The following NAALADL2 variants were observed in gnomAD, a reference collection of about 807,000 sequenced individuals.
NAALADL2 encodes N-acetylated alpha-linked acidic dipeptidase like 2.
Under a neutral mutation model 87.2 loss-of-function variants are expected in NAALADL2, and 76 were observed. The ratio of observed to expected loss-of-function variants is 0.87; its 90% confidence interval spans 0.72 to 1.05. The LOEUF (loss-of-function observed/expected upper bound fraction) is 1.05. NAALADL2 is among the 50% of genes least tolerant of loss of function. The probability of loss-of-function intolerance (pLI) is 0.00; values close to 1 mark genes in which losing one functional copy is unlikely to be tolerated. For missense variants in NAALADL2, 1,089 were observed against 945.8 expected (o/e 1.15, Z -1.99); for synonymous variants, 354 against 331.0 (o/e 1.07, Z -0.75).
At chr3:175,116,498 A>G (rs1725193831) in intron 2 of NAALADL2, among the ~76,000 whole-genome samples, 1 of 152,076 alleles carries the variant, frequency 6.6e-6, no homozygotes. Context: ...TTCAAAGAGA[A>G]TAAAATACCT....
intron 10 of NAALADL2, among the ~76,000 whole-genome samples, chr3:175,578,999 G>C (rs1719335093): frequency 6.6e-6 from 1 of 152,196 alleles, no homozygotes; most frequent in Non-Finnish European, 1.5e-5. Context: ...TATAGTATCT[G>C]TGTGGCCCCT....
At chr3:175,201,100 A>G (rs1471853343) in intron 2 of NAALADL2, among the ~76,000 whole-genome samples, 2 of 152,026 alleles carry the variant, frequency 1.3e-5, no homozygotes, top group Non-Finnish European at 2.9e-5. Flanking sequence ...TAATAACACA[A>G]TGTTTTTGTT....
At chr3:175,493,595 G>GA (rs1485361102) in intron 9 of NAALADL2, among the ~76,000 whole-genome samples, 1 of 152,084 alleles carries the variant, frequency 6.6e-6, no homozygotes, top group Non-Finnish European at 1.5e-5. Context: ...TTATGCCTGT[G>GA]AAAACTGCAT....
intron 1 of NAALADL2, among the ~76,000 whole-genome samples, chr3:175,042,985 T>G (rs954336847): frequency 1.3e-5 from 2 of 152,160 alleles, no homozygotes; most frequent in African/African-American, 2.4e-5. Flanking sequence ...TCTCTCTCTG[T>G]GTGATCTCTG....
At chr3:175,516,654 T>G (rs1169762484) in intron 9 of NAALADL2, among the ~76,000 whole-genome samples, 2 of 152,206 alleles carry the variant, frequency 1.3e-5, no homozygotes, top group Admixed American at 6.5e-5. Context: ...AGGAGTATCT[T>G]TATATTTTAG....
intron 13 of NAALADL2, among the ~76,000 whole-genome samples, chr3:175,783,035 T>A (rs1751382655): frequency 6.7e-6 from 1 of 150,210 alleles, no homozygotes; most frequent in Admixed American, 6.6e-5. Context: ...GCATTATTTC[T>A]GAGGGCTCTG....
At chr3:174,887,504 T>C (rs1442899240) in intron 1 of NAALADL2, among the ~76,000 whole-genome samples, 1 of 152,170 alleles carries the variant, frequency 6.6e-6, no homozygotes, top group Non-Finnish European at 1.5e-5. Context: ...CTATTAAGTA[T>C]TTTCTGACAG....
At position 174,595,880 on chromosome 3, in the gene NAALADL2, C is replaced by T. The variant is rs370913678; in HGVS notation, c.-115+45243C>T. Among the ~76,000 whole-genome samples the T allele has an allele frequency of 1.9e-3, 283 of 152,148 alleles. 2 individuals carry two copies. The highest frequency in any genetic ancestry group is 6.6e-3 in the African/African-American group (273 of 41,512). ...ACAAAAAATTAGCTGGGTGTGGTGG[C>T]GCATGCCTGTAATCCCAGCTACTTG... is the stretch of plus-strand genomic sequence containing the variant. On this transcript the variant is annotated intron_variant, in intron 2 of 3. Coordinates refer to the NAALADL2 transcript ENST00000434257.
At chr3:175,102,984 C>T (rs1380179487) in intron 2 of NAALADL2, among the ~76,000 whole-genome samples, 3 of 151,810 alleles carry the variant, frequency 2.0e-5, no homozygotes, top group African/African-American at 7.3e-5. Context: ...TGGCATGGGC[C>T]TGTAGTCCCA....
chr3:175,691,960 G>T (rs2149919997), intron 11 of NAALADL2, among the ~76,000 whole-genome samples: 1 of 152,146 alleles, frequency 6.6e-6, no homozygotes, highest in Non-Finnish European at 1.5e-5. Flanking sequence ...ATTACATTTT[G>T]CTGCTCCTTT....
chr3:175,297,033 C>G (rs1024691385), intron 4 of NAALADL2, among the ~76,000 whole-genome samples: 3 of 152,132 alleles, frequency 2.0e-5, no homozygotes, highest in Non-Finnish European at 2.9e-5. Context: ...TGAGCCAAAT[C>G]TGACTCACAC....
At chr3:174,549,231 TG>T (rs1711799938) in intron 1 of NAALADL2, among the ~76,000 whole-genome samples, 1 of 152,254 alleles carries the variant, frequency 6.6e-6, no homozygotes. Flanking sequence ...TTAAAACATT[TG>T]TTAAAGGTTT....
chr3:175,555,700 A>C (rs141126790), intron 9 of NAALADL2, among the ~76,000 whole-genome samples: 1 of 152,306 alleles, frequency 6.6e-6, no homozygotes, highest in African/African-American at 2.4e-5. Context: ...CACTACACAT[A>C]TATATGTATA....
intron 5 of NAALADL2, among the ~76,000 whole-genome samples, chr3:175,413,567 CAAA>C (rs766955477): frequency 7.5e-6 from 1 of 132,588 alleles, no homozygotes; most frequent in East Asian, 2.2e-4. Context: ...GAGACTCCAT[CAAA>C]AAAAAAAAAA....
At chr3:174,702,523 A>G (rs1402924778) in intron 2 of NAALADL2, among the ~76,000 whole-genome samples, 1 of 152,210 alleles carries the variant, frequency 6.6e-6, no homozygotes, top group African/African-American at 2.4e-5. Context: ...ATTGGGATAC[A>G]TTCTAAGAAA....
In NAALADL2 at chr3:175,269,448, G is replaced by A. The variant is rs369276877; in HGVS notation, c.939+12918G>A. 3.2e-4 allele frequency among the ~76,000 whole-genome samples: 49 copies of A among 152,282 alleles called. No homozygotes were observed. The South Asian group carries it at 0.01, about 32-fold the overall frequency. ...TGTAAGTAATATGTTGCACTACAAC[G>A]TTAGGACACTCTGATGTCACTTGCT... On this transcript the variant is annotated intron_variant, in intron 4 of 13. Coordinates refer to ENST00000454872, the MANE Select transcript of NAALADL2 (RefSeq NM_207015.3).
chr3:175,262,562 T>C (rs2109912687), intron 4 of NAALADL2, among the ~76,000 whole-genome samples: 1 of 129,130 alleles, frequency 7.7e-6, no homozygotes, highest in East Asian at 2.3e-4. Flanking sequence ...AGATAAAATA[T>C]TCATGTTGTG....
At chr3:175,786,383 G>A (rs1328082212) in intron 13 of NAALADL2, among the ~76,000 whole-genome samples, 2 of 152,112 alleles carry the variant, frequency 1.3e-5, no homozygotes, top group Non-Finnish European at 2.9e-5. Flanking sequence ...CATACTTCTT[G>A]GAGGCTTTGC....
rs1285715308 is a variant in NAALADL2 at position 175,803,824 on chromosome 3, G to GA, written c.*625dup. 2 of 152,258 alleles carry GA rather than the reference G, an allele frequency of 1.3e-5. No individual in the cohort carries two copies. The highest frequency in any genetic ancestry group is 4.8e-5 in the African/African-American group (2 of 41,370). 9.4% of individuals were successfully genotyped at this position (152,258 alleles called of 1,614,324 possible). ...AAAAAGAGCCATAAGCATTCCAGGA[G>GA]AAAATCTCAAGGGAGCTACATAGAG... On this transcript the variant is annotated 3_prime_UTR_variant, in exon 14 of 14. Coordinates refer to ENST00000454872, the MANE Select transcript of NAALADL2 (RefSeq NM_207015.3).
Sources: gnomAD v4.1 joint callset for allele counts (sites outside exome capture counted in the v4.1 genomes callset) on GRCh38, gnomAD v4.1.1 for gene constraint, MANE v1.5 for transcripts, NCBI Gene and HGNC (gene_info 2026-07-23, HGNC 2026-07-21) for gene names.